GTSF1: variants seen among roughly 807,000 people sequenced by gnomAD.
The protein encoded by GTSF1 is gametocyte-specific factor 1.
GTSF1 carries 11 observed loss-of-function variants against 28.9 expected under a neutral mutation model. The observed-to-expected ratio is 0.38, with a 90% CI of 0.24 to 0.63. The LOEUF is 0.63. Ranked by LOEUF, GTSF1 falls within the 30% of genes least tolerant of loss-of-function variation. The pLI is 0.56. For synonymous variants in GTSF1, 69 were observed against 65.6 expected, an observed-to-expected ratio of 1.05 and a Z score of -0.25; for missense variants, 146 against 201.0, an observed-to-expected ratio of 0.73 and a Z score of 1.66.
chr12:54,458,782 T>C (rs567242132), intron 8 of GTSF1, among the ~76,000 whole-genome samples: 1 of 151,174 alleles, frequency 6.6e-6, no homozygotes, highest in Admixed American at 6.6e-5. Flanking sequence ...GCTCAATGAT[T>C]AATCTCAGTC....
At position 54,464,416 on chromosome 12, in the gene GTSF1, T is replaced by C. The variant is rs182242554; in HGVS notation, c.117+651A>G. 6.6e-5 allele frequency among the ~76,000 whole-genome samples: 10 copies of C among 152,328 alleles called. No homozygotes were observed. The East Asian group carries it at 1.7e-3, about 26-fold the overall frequency. Reference sequence around the variant, plus strand: ...TAAAGGATGTTAAAGCTGAATTGTATGCAGTTTGGATTAAATACCTCAATT... The same window carrying C: ...TAAAGGATGTTAAAGCTGAATTGTACGCAGTTTGGATTAAATACCTCAATT... On this transcript the variant is annotated intron_variant, in intron 3 of 8. Transcript: ENST00000305879.
At chr12:54,460,556 A>C in intron 6 of GTSF1, 85 bp from the exon 7 acceptor site, 1 of 876,906 alleles carries the variant, frequency 1.1e-6, no homozygotes, top group African/African-American at 1.7e-5. Flanking sequence ...TGTTTTTTGT[A>C]ATTTGGGGAA....
chr12:54,459,927 C>T lies in GTSF1; in HGVS notation c.487+450G>A, dbSNP rs1182144560. On this transcript the variant is annotated intron_variant, in intron 7 of 8. Coordinates refer to ENST00000305879, the MANE Select transcript of GTSF1 (RefSeq NM_144594.3). ...ATTTTTAGTAGAGACGGGGTTTCAC[C>T]GTTTTAGCCGGGATGGTCTCGATCT... Among the ~76,000 whole-genome samples the T allele has an allele frequency of 3.4e-5, 5 of 146,098 alleles. No homozygotes were observed. The East Asian group carries it at 5.9e-4, about 17-fold the overall frequency.
At chr12:54,467,494 T>C (rs1304673747) in intron 2 of GTSF1, among the ~76,000 whole-genome samples, 2 of 151,994 alleles carry the variant, frequency 1.3e-5, no homozygotes, top group Non-Finnish European at 2.9e-5. Flanking sequence ...TTTGTATTTT[T>C]AGTAGAGACG....
chr12:54,467,322 GT>G (rs544650030), intron 2 of GTSF1, among the ~76,000 whole-genome samples: 111 of 142,054 alleles, frequency 7.8e-4, no homozygotes, highest in East Asian at 2.9e-3. Context: ...TTTGTTTTTT[GT>G]TTTTTTTTTT....
At chr12:54,459,444 G>A (rs1446737130) in intron 7 of GTSF1, 1 of 1,335,366 alleles carries the variant, frequency 7.5e-7, no homozygotes, top group Non-Finnish European at 9.8e-7. Context: ...GAAATCAAGA[G>A]AATCTGAATC....
chr12:54,473,172 A>T (rs889371728), intron 1 of GTSF1, among the ~76,000 whole-genome samples: 10 of 152,110 alleles, frequency 6.6e-5, no homozygotes, highest in African/African-American at 2.4e-4. Flanking sequence ...GCCGGAAGCA[A>T]TCAAGTTTAG....
At chr12:54,466,424 G>C (rs1956513482) in intron 2 of GTSF1, among the ~76,000 whole-genome samples, 1 of 152,186 alleles carries the variant, frequency 6.6e-6, no homozygotes, top group African/African-American at 2.4e-5. Context: ...TGATGCAAAT[G>C]AGCCAGAAAG....
chr12:54,468,626 A>G (rs968993030), intron 2 of GTSF1, among the ~76,000 whole-genome samples: 8 of 152,350 alleles, frequency 5.3e-5, no homozygotes, highest in South Asian at 2.1e-4. Flanking sequence ...AGATTTGGGT[A>G]GGGACCAGAA....
intron 7 of GTSF1, chr12:54,459,417 A>T (rs1257147822): frequency 1.2e-5 from 17 of 1,360,210 alleles, no homozygotes; most frequent in Non-Finnish European, 1.6e-5. Flanking sequence ...AAATTAGCTC[A>T]AACAGTAGCA....
chr12:54,457,537 C>T (rs1174279735), intron 8 of GTSF1, among the ~76,000 whole-genome samples: 3 of 152,224 alleles, frequency 2.0e-5, no homozygotes, highest in Non-Finnish European at 4.4e-5. Context: ...GTCTTGGTCT[C>T]CCAAAGTGTT....
chr12:54,463,192 TTC>T lies in GTSF1; in HGVS notation c.221_222del (p.Arg74LysfsTer4). ...TTACCAACATCTTGCTCAATACAACTTCTGTCATCACAGCTTGAGATATGATG... is the reference window on the plus strand; with the variant it reads ...TTACCAACATCTTGCTCAATACAACTTGTCATCACAGCTTGAGATATGATG... ...ISHHISSCDD[R>X]SCIEQDVVNQ... On this transcript the variant is annotated frameshift_variant, in exon 4 of 9. Coordinates refer to ENST00000305879, the MANE Select transcript of GTSF1 (RefSeq NM_144594.3). LOFTEE classifies it high-confidence loss of function. 6.2e-7 allele frequency: 1 copy of T among 1,613,944 alleles called. No individual in the cohort carries two copies. The highest frequency in any genetic ancestry group is 2.2e-5 in the East Asian group (1 of 44,874).
intron 3 of GTSF1, 120 bp from the exon 4 acceptor site, chr12:54,463,417 A>C: frequency 1.2e-6 from 1 of 836,260 alleles, no homozygotes. Context: ...TTCTGGCTTA[A>C]CTATAACAAG....
intron 2 of GTSF1, among the ~76,000 whole-genome samples, chr12:54,466,318 G>C (rs1032177238): frequency 6.6e-6 from 1 of 152,218 alleles, no homozygotes; most frequent in Admixed American, 6.5e-5. Context: ...TTATAAACCA[G>C]GAGACTGCTA....
chr12:54,462,658 A>G lies in GTSF1; in HGVS notation c.312T>C (p.Asp104=). ...AESTWQCPPC[D]EDWDKDLWEQ... is the part of the protein sequence containing the mutation. Reference sequence around the variant, plus strand: ...GCAGCTCACCTTTATCCCAGTCTTCATCGCAAGGAGGGCACTGCCAAGTGC... The same window carrying G: ...GCAGCTCACCTTTATCCCAGTCTTCGTCGCAAGGAGGGCACTGCCAAGTGC... Residue 104 remains aspartate (D), a synonymous_variant, in exon 5 of 9, where the codon GAT becomes GAC. Transcript: ENST00000305879. The G allele has an allele frequency of 6.2e-7, 1 of 1,613,816 alleles. No individual in the cohort carries two copies. Among genetic ancestry groups the G allele is most frequent in the Non-Finnish European group, 8.5e-7 (1 of 1,179,714 alleles).
chr12:54,473,220 A>C (rs572718892), intron 1 of GTSF1, among the ~76,000 whole-genome samples: 1 of 152,326 alleles, frequency 6.6e-6, no homozygotes, highest in South Asian at 2.1e-4. Flanking sequence ...TTAAACGCTT[A>C]ACAGAATTCC....
At chr12:54,473,033 A>G (rs1956609758) in intron 1 of GTSF1, among the ~76,000 whole-genome samples, 1 of 152,124 alleles carries the variant, frequency 6.6e-6, no homozygotes, top group African/African-American at 2.4e-5. Flanking sequence ...ATTACAGTAC[A>G]CTAGGGGCAC....
At position 54,462,112 on chromosome 12, in the gene GTSF1, T is replaced by C; in HGVS notation, c.389A>G (p.Asn130Ser). The C allele has an allele frequency of 6.2e-7, 1 of 1,611,558 alleles. No homozygotes were observed. The highest frequency in any genetic ancestry group is 8.5e-7 in the Non-Finnish European group (1 of 1,177,726). Residue 130 changes from asparagine to serine, a missense_variant, in exon 6 of 9, where the codon AAC (asparagine) becomes AGC (serine). Coordinates refer to ENST00000305879, the MANE Select transcript of GTSF1 (RefSeq NM_144594.3). ...GGGATAAGACTATTTCATTTACCTG[T>C]TGTTGTCAGAGTAGTGAGTTGTGCC... ...VWGTTHYSDN[N>S]SPASNIVTEH... is the part of the protein sequence containing the mutation.
chr12:54,458,692 C>T (rs1210557561), intron 8 of GTSF1, among the ~76,000 whole-genome samples: 2 of 151,898 alleles, frequency 1.3e-5, no homozygotes, highest in Non-Finnish European at 2.9e-5. Flanking sequence ...CTTTTAAGTG[C>T]TCATTAAAAA....
Sources: gnomAD v4.1 joint callset for allele counts (sites outside exome capture counted in the v4.1 genomes callset) on GRCh38, gnomAD v4.1.1 for gene constraint, MANE v1.5 for transcripts, NCBI Gene and HGNC (gene_info 2026-07-23, HGNC 2026-07-21) for gene names.